Variants in PIWIL1 observed in about 807,000 individuals in gnomAD.
The protein encoded by PIWIL1 is piwi-like protein 1.
A neutral mutation model predicts 114.4 loss-of-function variants in PIWIL1; 73 were observed. That is an observed-to-expected ratio of 0.64 (90% confidence interval 0.53 to 0.78). The LOEUF (loss-of-function observed/expected upper bound fraction) is 0.78. Ranked by LOEUF, PIWIL1 falls within the 30% of genes least tolerant of loss-of-function variation. The pLI, the probability that PIWIL1 is intolerant of heterozygous loss-of-function variation, is 0.00. For synonymous variants in PIWIL1, 375 were observed against 369.0 expected, an observed-to-expected ratio of 1.02 and a Z score of -0.19; for missense variants, 723 against 1,063.1, an observed-to-expected ratio of 0.68 and a Z score of 4.45.
chr12:130,357,693 A>G (rs1034879972), intron 14 of PIWIL1, 140 bp downstream of exon 14: 1 of 628,296 alleles, frequency 1.6e-6, no homozygotes, highest in African/African-American at 1.8e-5. Context: ...TTTTGTAACC[A>G]TAAAGTAGCT....
At chr12:130,421,691 ATGTGTG>A in the PIWIL1 span, among the ~76,000 whole-genome samples, 50 of 147,282 alleles carry the variant, frequency 3.4e-4, no homozygotes, top group Admixed American at 1.4e-3. Context: ...CTGCATTTAT[ATGTGTG>A]TGTGTGTGTG....
the PIWIL1 span, chr12:130,407,806 G>A: frequency 1.6e-5 from 26 of 1,609,408 alleles, 1 homozygote; most frequent in South Asian, 7.7e-5. Context: ...ACCGAATGAC[G>A]CCTGCCACTT....
intron 14 of PIWIL1, among the ~76,000 whole-genome samples, chr12:130,360,362 G>A (rs1364097997): frequency 6.6e-6 from 1 of 152,148 alleles, no homozygotes; most frequent in Non-Finnish European, 1.5e-5. Context: ...CAGGCCAGGC[G>A]TGGTGGCTCA....
chr12:130,422,804 G>A, the PIWIL1 span, among the ~76,000 whole-genome samples: 1 of 152,212 alleles, frequency 6.6e-6, no homozygotes, highest in Non-Finnish European at 1.5e-5. The surrounding 1 kb of genome is among the most constrained non-coding windows in gnomAD (Gnocchi z 5.2). Flanking sequence ...CTTGTGGGGG[G>A]GTCTCTTTTG....
chr12:130,379,417 G>T, the PIWIL1 span, among the ~76,000 whole-genome samples: 1 of 148,958 alleles, frequency 6.7e-6, no homozygotes, highest in East Asian at 2.0e-4. Context: ...AGCATTGACA[G>T]TTCCTTCAAC....
At chr12:130,346,845 G>T in intron 5 of PIWIL1, 96 bp from the exon 6 acceptor site, 1 of 1,461,540 alleles carries the variant, frequency 6.8e-7, no homozygotes, top group Non-Finnish European at 9.2e-7. Flanking sequence ...ACATTTTATG[G>T]TTTTCAATGT....
chr12:130,349,508 G>A (rs2073157183), intron 8 of PIWIL1, 72 bp downstream of exon 8: 8 of 1,019,480 alleles, frequency 7.8e-6, no homozygotes, highest in Admixed American at 2.0e-5. Context: ...GTTCTACCAT[G>A]TTAAGAAATA....
At chr12:130,363,663 G>A (rs925043411) in intron 18 of PIWIL1, among the ~76,000 whole-genome samples, 2 of 122,504 alleles carry the variant, frequency 1.6e-5, no homozygotes, top group African/African-American at 6.3e-5. Context: ...TGTTGCCCAG[G>A]CTGCAGTGCA....
At position 130,349,933 on chromosome 12, in the gene PIWIL1, G is replaced by T. The variant is rs1393587464; in HGVS notation, c.1010G>T (p.Gly337Val). The T allele has an allele frequency of 6.2e-7, 1 of 1,612,556 alleles. No individual in the cohort carries two copies. Among genetic ancestry groups the T allele is most frequent in the Non-Finnish European group, 8.5e-7 (1 of 1,178,870 alleles). ...AAGAGCACCTTTAAGAAAGCCGACG[G>T]CTCTGAAGTCAGCTTCTTAGAATAC... ...NPKSTFKKADGSEVSFLEYYR... is the reference protein window; with the variant it reads ...NPKSTFKKADVSEVSFLEYYR... The change falls in exon 9 of 21, where the codon GGC (glycine) becomes GTC (valine). Residue 337 changes from glycine to valine, a missense_variant. By Grantham distance (109) the Gly-to-Val change is moderately radical. This residue lies in a region of PIWIL1 where 298 missense variants were observed against 420.8 expected (regional missense o/e 0.71). Coordinates refer to ENST00000245255, the MANE Select transcript of PIWIL1 (RefSeq NM_004764.5).
intron 18 of PIWIL1, among the ~76,000 whole-genome samples, chr12:130,364,375 C>A (rs978371939): frequency 2.0e-5 from 3 of 152,176 alleles, no homozygotes; most frequent in African/African-American, 7.2e-5. Flanking sequence ...GGACAAGCAC[C>A]AAGAGGTCAT....
intron 6 of PIWIL1, 78 bp from the exon 7 acceptor site, chr12:130,348,025 G>A (rs1036588715): frequency 1.1e-5 from 11 of 961,468 alleles, no homozygotes; most frequent in Non-Finnish European, 1.8e-5. Context: ...GCCAACCCCT[G>A]CTCTAAACGA....
intron 1 of PIWIL1, among the ~76,000 whole-genome samples, chr12:130,338,868 G>T (rs1445313441): frequency 6.9e-6 from 1 of 145,478 alleles, no homozygotes; most frequent in Non-Finnish European, 1.5e-5. Flanking sequence ...GGGGGTGCAG[G>T]GGCCGGGGTG....
At chr12:130,361,124 C>A in intron 14 of PIWIL1, 56 bp from the exon 15 acceptor site, 1 of 1,529,064 alleles carries the variant, frequency 6.5e-7, no homozygotes, top group Non-Finnish European at 9.0e-7. Context: ...TGTCCTCTCC[C>A]TTGCTCTTAA....
chr12:130,412,163 T>C, the PIWIL1 span, among the ~76,000 whole-genome samples: 53 of 151,880 alleles, frequency 3.5e-4, no homozygotes, highest in African/African-American at 1.2e-3. Flanking sequence ...AATGAAGGAG[T>C]TTCATGTCTA....
At chr12:130,374,104 G>A (rs2073848442), downstream of PIWIL1, among the ~76,000 whole-genome samples, 1 of 152,022 alleles carries the variant, frequency 6.6e-6, no homozygotes, top group African/African-American at 2.4e-5. Flanking sequence ...ACTCTTTTCT[G>A]GGTACATTTT....
At chr12:130,412,567 T>TA in the PIWIL1 span, 8 of 1,529,844 alleles carry the variant, frequency 5.2e-6, no homozygotes, top group Non-Finnish European at 7.2e-6. Flanking sequence ...GAGCGGCAGG[T>TA]GTTTTGTGGG....
the PIWIL1 span, among the ~76,000 whole-genome samples, chr12:130,415,761 A>G: frequency 6.6e-6 from 1 of 152,200 alleles, no homozygotes; most frequent in South Asian, 2.1e-4. Context: ...AAGAAGTCAA[A>G]TTATCTCTCT....
chr12:130,408,053 A>T, the PIWIL1 span, among the ~76,000 whole-genome samples: 1 of 152,130 alleles, frequency 6.6e-6, no homozygotes, highest in East Asian at 1.9e-4. Flanking sequence ...TCTCCCCCTT[A>T]GACTAACATG....
the PIWIL1 span, among the ~76,000 whole-genome samples, chr12:130,421,904 G>A: frequency 6.6e-6 from 1 of 152,218 alleles, no homozygotes; most frequent in African/African-American, 2.4e-5. Context: ...CAAAAAGTCA[G>A]GAAGAGAATG....
Sources: allele counts gnomAD v4.1 joint callset (sites outside exome capture counted in the v4.1 genomes callset), GRCh38; gene constraint gnomAD v4.1.1; regional missense constraint gnomAD v4.1.1; non-coding constraint Gnocchi (gnomAD v3.1); transcripts MANE v1.5; gene names NCBI Gene and HGNC (gene_info 2026-07-23, HGNC 2026-07-21).